The following EIF2S3B variants were observed in gnomAD, a reference collection of about 807,000 sequenced individuals.
EIF2S3B encodes the protein eukaryotic translation initiation factor 2 subunit gamma B.
In EIF2S3B, 16 loss-of-function variants were observed where a neutral mutation model predicts 26.4. The observed-to-expected ratio is 0.61, with a 90% CI of 0.41 to 0.92. The LOEUF (loss-of-function observed/expected upper bound fraction) is 0.92. Ranked by LOEUF, EIF2S3B falls within the 40% of genes least tolerant of loss-of-function variation. EIF2S3B has a pLI of 0.00. For missense variants in EIF2S3B, 510 were observed against 575.5 expected (o/e 0.89, Z 1.16); for synonymous variants, 183 against 204.4 (o/e 0.90, Z 0.89).
chr12:10,510,244 CAG>C (rs1055080567), downstream of EIF2S3B, among the ~76,000 whole-genome samples: 1 of 152,148 alleles, frequency 6.6e-6, no homozygotes, highest in African/African-American at 2.4e-5. Flanking sequence ...CCTTCCTCTG[CAG>C]GTAAAAGGTA....
intron 1 of EIF2S3B, chr12:10,522,530 T>C (rs1018476060): frequency 1.3e-5 from 8 of 595,962 alleles, no homozygotes; most frequent in South Asian, 1.1e-4. Context: ...TCTTTCCTTA[T>C]ACCTAAATAG....
At position 10,506,493 on chromosome 12, in the gene EIF2S3B, A is replaced by C. The variant is rs546866500; in HGVS notation, c.591A>C (p.Glu197Asp). 1 of 1,605,976 alleles carries C rather than the reference A, an allele frequency of 6.2e-7. No homozygotes were observed. The highest frequency in any genetic ancestry group is 2.2e-5 in the East Asian group (1 of 44,844). ...AAAATAAAATTGATTTGGTAAAAGA[A>C]AGGCAGGCTAAAGAACAATACGAGC... The part of the protein sequence containing the change: ...ILQNKIDLVK[E>D]RQAKEQYEQI... The change falls in exon 1 of 1, where the codon GAA (glutamate) becomes GAC (aspartate). Residue 197 changes from glutamate to aspartate, a missense_variant. Glu to Asp is a conservative substitution (Grantham distance 45). Coordinates refer to ENST00000538173, the MANE Select transcript of EIF2S3B (RefSeq NM_001357734.3).
chr12:10,508,809 A>T (rs1864675189), downstream of EIF2S3B, among the ~76,000 whole-genome samples: 1 of 152,054 alleles, frequency 6.6e-6, no homozygotes, highest in African/African-American at 2.4e-5. Flanking sequence ...TCATAGAAAA[A>T]AAATTCTTCA....
chr12:10,517,742 G>A (rs565817277), intron 1 of EIF2S3B, among the ~76,000 whole-genome samples: 26 of 152,208 alleles, frequency 1.7e-4, no homozygotes, highest in Non-Finnish European at 3.1e-4. Flanking sequence ...TCTCTTGTGG[G>A]CATTTAGTGC....
At chr12:10,514,804 T>C (rs1169018791) in intron 1 of EIF2S3B, among the ~76,000 whole-genome samples, 2 of 152,138 alleles carry the variant, frequency 1.3e-5, no homozygotes, top group South Asian at 4.1e-4. Flanking sequence ...CTTTTTTTCA[T>C]GATGCCAGTT....
chr12:10,518,930 T>C (rs1369276010), intron 1 of EIF2S3B, among the ~76,000 whole-genome samples: 1 of 152,172 alleles, frequency 6.6e-6, no homozygotes, highest in Non-Finnish European at 1.5e-5. Context: ...ATGGCCATAC[T>C]GCCCAAGGTA....
rs1864634090 is a variant in EIF2S3B, at chr12:10,506,622, A to C, written c.720A>C (p.Val240=). 6.2e-7 allele frequency: 1 copy of C among 1,611,720 alleles called. No individual in the cohort carries two copies. Among genetic ancestry groups the C allele is most frequent in the Non-Finnish European group, 8.5e-7 (1 of 1,177,792 alleles). Residue 240 remains valine, a synonymous_variant, in exon 1 of 1, where the codon GTA becomes GTC. Coordinates refer to ENST00000538173, the MANE Select transcript of EIF2S3B (RefSeq NM_001357734.3). ...TTGAAGTTGTTTGTGAGTACATAGT[A>C]AAGAAAATTCCAGTACCCCCAAGAG... is the stretch of plus-strand genomic sequence containing the variant. ...YNIEVVCEYI[V]KKIPVPPRDF...
intron 1 of EIF2S3B, among the ~76,000 whole-genome samples, chr12:10,516,628 C>A (rs1176170459): frequency 2.0e-5 from 3 of 151,742 alleles, no homozygotes; most frequent in Non-Finnish European, 2.9e-5. Context: ...ATTGCCCTGG[C>A]CAGAACTTCC....
At chr12:10,510,806 C>T (rs1379048002), downstream of EIF2S3B, among the ~76,000 whole-genome samples, 2 of 152,062 alleles carry the variant, frequency 1.3e-5, no homozygotes, top group African/African-American at 2.4e-5. Context: ...AAACAAACTG[C>T]ACCAATATGG....
chr12:10,520,564 A>C (rs1200702887), intron 1 of EIF2S3B, among the ~76,000 whole-genome samples: 2 of 152,130 alleles, frequency 1.3e-5, no homozygotes, highest in East Asian at 3.8e-4. Context: ...ATATATATGA[A>C]CATAATTATG....
downstream of EIF2S3B, among the ~76,000 whole-genome samples, chr12:10,510,188 T>C (rs1186597676): frequency 1.3e-5 from 2 of 152,200 alleles, no homozygotes; most frequent in African/African-American, 4.8e-5. Flanking sequence ...GCTATTATTC[T>C]TGTTTAAAAT....
rs757517550 is a variant in EIF2S3B, at chr12:10,507,385, A to G, written c.*64A>G. 1.2e-5 allele frequency: 19 copies of G among 1,579,358 alleles called. No homozygotes were observed. Among genetic ancestry groups the G allele is most frequent in the East Asian group, 4.5e-5 (2 of 44,692 alleles). Reference sequence around the variant, plus strand: ...AGTTGCAATTTCTCTTTAACAACCAAGGGGTTTATTTTCAAAGCGATATTG... The same window carrying G: ...AGTTGCAATTTCTCTTTAACAACCAGGGGGTTTATTTTCAAAGCGATATTG... On this transcript the variant is annotated 3_prime_UTR_variant, in exon 1 of 1. Transcript: ENST00000538173.
chr12:10,516,807 T>C (rs903366664), intron 1 of EIF2S3B, among the ~76,000 whole-genome samples: 1 of 152,074 alleles, frequency 6.6e-6, no homozygotes, highest in African/African-American at 2.4e-5. Context: ...TTTATTGAGA[T>C]TTTTTAGCAT....
At chr12:10,515,869 G>A (rs1020116993) in intron 1 of EIF2S3B, among the ~76,000 whole-genome samples, 1 of 150,838 alleles carries the variant, frequency 6.6e-6, no homozygotes, top group Non-Finnish European at 1.5e-5. Context: ...ATGTCTGTGT[G>A]TATATTATAT....
rs1427097549 is a variant in EIF2S3B at position 10,507,957 on chromosome 12, A to G, written c.*636A>G. 6.6e-6 allele frequency among the ~76,000 whole-genome samples: 1 copy of G among 151,792 alleles called. No individual in the cohort carries two copies. The highest frequency in any genetic ancestry group is 1.5e-5 in the Non-Finnish European group (1 of 68,018). On this transcript the variant is annotated 3_prime_UTR_variant, in exon 1 of 1. Transcript: ENST00000538173. ...CTGTAGCACACACATATATCACTGAAACTGTTCGAAATAAAGTTTTTTTTT... is the reference window on the plus strand; with the variant it reads ...CTGTAGCACACACATATATCACTGAGACTGTTCGAAATAAAGTTTTTTTTT...
Position 10,507,782 on chromosome 12 carries a change from G to A in EIF2S3B, c.*461G>A, listed in dbSNP as rs1453727578. On this transcript the variant is annotated 3_prime_UTR_variant, in exon 1 of 1. Transcript: ENST00000538173. ...TAATTTTTGTATTAGTAGAGACGGG[G>A]TTTCGGCATGTTGGCCAGGCCAGTC... is the stretch of plus-strand genomic sequence containing the variant. 2.6e-5 allele frequency among the ~76,000 whole-genome samples: 4 copies of A among 152,016 alleles called. No homozygotes were observed. Among genetic ancestry groups the A allele is most frequent in the Non-Finnish European group, 4.4e-5 (3 of 68,024 alleles).
At position 10,506,989 on chromosome 12, in the gene EIF2S3B, G is replaced by T; in HGVS notation, c.1087G>T (p.Ala363Ser). 1 of 1,613,814 alleles carries T rather than the reference G, an allele frequency of 6.2e-7. No homozygotes were observed. Among genetic ancestry groups the T allele is most frequent in the African/African-American group, 1.3e-5 (1 of 75,020 alleles). The change falls in exon 1 of 1, where the codon GCT becomes TCT. Residue 363 changes from alanine (A) to serine (S), a missense_variant. By Grantham distance (99) the Ala-to-Ser change is moderately conservative (BLOSUM62 1). Coordinates refer to ENST00000538173, the MANE Select transcript of EIF2S3B (RefSeq NM_001357734.3). ...MVGQILGAVG[A>S]LPEIFTELEI... Reference sequence around the variant, plus strand: ...GGGGCAAATACTTGGTGCAGTCGGAGCTTTACCTGAGATATTCACAGAATT... The same window carrying T: ...GGGGCAAATACTTGGTGCAGTCGGATCTTTACCTGAGATATTCACAGAATT...
chr12:10,509,340 G>C (rs1225465344), downstream of EIF2S3B, among the ~76,000 whole-genome samples: 1 of 151,784 alleles, frequency 6.6e-6, no homozygotes, highest in Non-Finnish European at 1.5e-5. Flanking sequence ...CTGTCAGATG[G>C]CTTGCAAATA....
At chr12:10,510,102 T>C (rs890880913), downstream of EIF2S3B, among the ~76,000 whole-genome samples, 5 of 152,192 alleles carry the variant, frequency 3.3e-5, no homozygotes, top group African/African-American at 1.2e-4. Flanking sequence ...ACATTAGCAC[T>C]GATAGGCTAA....
Sources: gnomAD v4.1 joint callset for allele counts (sites outside exome capture counted in the v4.1 genomes callset) on GRCh38, gnomAD v4.1.1 for gene constraint, MANE v1.5 for transcripts, NCBI Gene and HGNC (gene_info 2026-07-23, HGNC 2026-07-21) for gene names.